Variants in IGSF5 observed in about 807,000 individuals in gnomAD.
IGSF5 encodes the protein immunoglobulin superfamily 5 like.
A neutral mutation model predicts 39.4 loss-of-function variants in IGSF5; 41 were observed. That is an observed-to-expected ratio of 1.04 (90% CI 0.81 to 1.35). The LOEUF (loss-of-function observed/expected upper bound fraction) is 1.35. IGSF5 is among the 40% of genes most tolerant of loss of function. The pLI, the probability that IGSF5 is intolerant of heterozygous loss-of-function variation, is 0.00. For missense variants in IGSF5, 487 were observed against 494.6 expected, an observed-to-expected ratio of 0.98 and a Z score of 0.15; for synonymous variants, 183 against 175.3, an observed-to-expected ratio of 1.04 and a Z score of -0.34.
At chr21:39,723,590 G>A in the IGSF5 span, among the ~76,000 whole-genome samples, 2 of 152,192 alleles carry the variant, frequency 1.3e-5, no homozygotes, top group African/African-American at 2.4e-5. Flanking sequence ...ATTCAGAGAG[G>A]TCACAGAGTG....
intron 2 of IGSF5, among the ~76,000 whole-genome samples, chr21:39,757,040 A>G (rs949563259): frequency 1.5e-4 from 10 of 67,256 alleles, no homozygotes; most frequent in Admixed American, 1.1e-3. Flanking sequence ...CAGCAGGCAC[A>G]GTCCCCCCGA....
intron 4 of IGSF5, 103 bp downstream of exon 4, chr21:39,771,318 C>A (rs1049134679): frequency 3.5e-6 from 4 of 1,141,380 alleles, no homozygotes; most frequent in East Asian, 5.3e-5. Flanking sequence ...AATCATATGG[C>A]GACCTTGATT....
At chr21:39,738,855 T>C in the IGSF5 span, among the ~76,000 whole-genome samples, 1 of 152,018 alleles carries the variant, frequency 6.6e-6, no homozygotes, top group Admixed American at 6.6e-5. The surrounding 1 kb of genome is among the most constrained non-coding windows in gnomAD (Gnocchi z 6.4). Flanking sequence ...GGGAAATTTA[T>C]GCCCTCCTCT....
At chr21:39,784,106 T>A (rs1484600952) in intron 5 of IGSF5, among the ~76,000 whole-genome samples, 1 of 152,236 alleles carries the variant, frequency 6.6e-6, no homozygotes, top group Admixed American at 6.5e-5. Context: ...ACCTTTATTC[T>A]CTGGGAAGCA....
chr21:39,779,305 G>C lies in IGSF5; in HGVS notation c.934G>C (p.Gly312Arg), dbSNP rs2080158019. The part of the protein sequence containing the change: ...RCCFCCRRKR[G>R]FRIQFQKKSE... ...TTGTTTCTGCTGTAGAAGAAAAAGA[G>C]GTAATTTTTTTGTTCATTTACATTT... The change falls in exon 5 of 9, where the codon GGA (glycine) becomes CGA (arginine). Residue 312 changes from glycine (G) to arginine (R), a missense_variant and splice_region_variant. Physicochemically the swap from Gly to Arg is moderately radical, Grantham distance 125. Coordinates refer to ENST00000380588, the MANE Select transcript of IGSF5 (RefSeq NM_001080444.2). 1 of 1,610,856 alleles carries C rather than the reference G, an allele frequency of 6.2e-7. No homozygotes were observed. The highest frequency in any genetic ancestry group is 1.3e-5 in the African/African-American group (1 of 74,830).
intron 2 of IGSF5, among the ~76,000 whole-genome samples, chr21:39,763,363 G>C (rs778617010): frequency 6.6e-6 from 1 of 152,198 alleles, no homozygotes; most frequent in Non-Finnish European, 1.5e-5. Flanking sequence ...GGGAAAGTTG[G>C]TGTTTAGGGT....
At chr21:39,755,777 A>G (rs992040416) in intron 2 of IGSF5, among the ~76,000 whole-genome samples, 23 of 151,994 alleles carry the variant, frequency 1.5e-4, no homozygotes, top group African/African-American at 5.3e-4. Flanking sequence ...CCCACAGTGA[A>G]ATGGTGCTGC....
chr21:39,732,897 G>A, the IGSF5 span, among the ~76,000 whole-genome samples: 14 of 152,048 alleles, frequency 9.2e-5, no homozygotes, highest in South Asian at 4.2e-4. Flanking sequence ...GTGGTGGCAC[G>A]TGCCTGTAGT....
intron 5 of IGSF5, among the ~76,000 whole-genome samples, chr21:39,782,669 T>C (rs8128761): frequency 0.34 from 52,023 of 152,118 alleles, 9,736 homozygotes; most frequent in Non-Finnish European, 0.44. Context: ...TGTATAATGA[T>C]CAAATCAGGG....
rs1471137396 is a variant in IGSF5 at position 39,745,237 on chromosome 21, G to T, written c.-273G>T. ...CAAACTTGGGGCCCTGGCAAGGGTG[G>T]TGGGGAATGGGTCCTGCATAACTGC... On this transcript the variant is annotated 5_prime_UTR_variant, in exon 1 of 9. Coordinates refer to ENST00000380588, the MANE Select transcript of IGSF5 (RefSeq NM_001080444.2). Among the ~76,000 whole-genome samples the T allele has an allele frequency of 6.6e-6, 1 of 151,870 alleles. No homozygotes were observed. Among genetic ancestry groups the T allele is most frequent in the Non-Finnish European group, 1.5e-5 (1 of 67,976 alleles).
At chr21:39,774,774 G>A (rs16998444) in intron 4 of IGSF5, among the ~76,000 whole-genome samples, 13,150 of 152,252 alleles carry the variant, frequency 0.086, 622 homozygotes, top group East Asian at 0.16. Flanking sequence ...AGCACCTTGT[G>A]GAATGTAGTG....
At position 39,779,227 on chromosome 21, in the gene IGSF5, C is replaced by CGCTGCT. The variant is rs530090000; in HGVS notation, c.865_870dup (p.Cys289_Cys290dup). ...GACGCCGACGTGTACTCTTACAATA[C>CGCTGCT]GCTGCTGCTGCTGCCGCCGTCGTTG... is the stretch of plus-strand genomic sequence containing the variant. On this transcript the variant is annotated inframe_insertion, in exon 5 of 9. Transcript: ENST00000380588. 5,741 of 1,613,780 alleles carry CGCTGCT rather than the reference C, an allele frequency of 3.6e-3. 12 individuals are homozygous for CGCTGCT. The highest frequency in any genetic ancestry group is 4.4e-3 in the Admixed American group (267 of 60,010).
chr21:39,741,339 C>T (rs1225168393), upstream of IGSF5, among the ~76,000 whole-genome samples: 1 of 152,112 alleles, frequency 6.6e-6, no homozygotes, highest in African/African-American at 2.4e-5. Context: ...GCCAAGGAAC[C>T]CTCTTAGTTG....
chr21:39,796,290 A>G (rs1489672193), intron 8 of IGSF5, among the ~76,000 whole-genome samples: 1 of 152,168 alleles, frequency 6.6e-6, no homozygotes, highest in Non-Finnish European at 1.5e-5. Flanking sequence ...TGACGCTGGT[A>G]CAGAGGTTCC....
intron 1 of IGSF5, 80 bp downstream of exon 1, chr21:39,745,606 T>G: frequency 1.4e-6 from 1 of 702,346 alleles, no homozygotes; most frequent in South Asian, 1.5e-5. Flanking sequence ...GCTGGGAGGT[T>G]GGGACGACAG....
At chr21:39,795,638 GT>G (rs925854884) in intron 8 of IGSF5, among the ~76,000 whole-genome samples, 3 of 151,772 alleles carry the variant, frequency 2.0e-5, no homozygotes, top group African/African-American at 7.3e-5. Context: ...GCTTCTTGAT[GT>G]TTGTAGTGTT....
intron 4 of IGSF5, among the ~76,000 whole-genome samples, chr21:39,773,069 T>C (rs752063697): frequency 3.9e-5 from 6 of 152,180 alleles, no homozygotes; most frequent in Non-Finnish European, 7.4e-5. Context: ...AATTATTTTA[T>C]GACCTATGTA....
chr21:39,771,077 A>G lies in IGSF5; in HGVS notation c.580A>G (p.Ser194Gly). 1 of 1,613,810 alleles carries G rather than the reference A, an allele frequency of 6.2e-7. No homozygotes were observed. Among genetic ancestry groups the G allele is most frequent in the Non-Finnish European group, 8.5e-7 (1 of 1,179,874 alleles). Residue 194 changes from serine (S) to glycine (G), a missense_variant, in exon 4 of 9, where the codon AGC becomes GGC. Ser to Gly is a moderately conservative substitution (Grantham distance 56). Transcript: ENST00000380588. ...AAGCTATTATTTTGTTCCGGAGCCC[A>G]GCGACCTTCAAAGTGCAGTGAGCAT... ...HSSYYFVPEP[S>G]DLQSAVSILA...
At chr21:39,753,848 C>T (rs756120303) in intron 2 of IGSF5, among the ~76,000 whole-genome samples, 3 of 151,904 alleles carry the variant, frequency 2.0e-5, no homozygotes, top group Non-Finnish European at 4.4e-5. Flanking sequence ...TTTCTCCAAC[C>T]TTTCACCTTG....
Sources: gnomAD v4.1 joint callset for allele counts (sites outside exome capture counted in the v4.1 genomes callset) on GRCh38, gnomAD v4.1.1 for gene constraint, Gnocchi (gnomAD v3.1) non-coding constraint, MANE v1.5 for transcripts, NCBI Gene and HGNC (gene_info 2026-07-23, HGNC 2026-07-21) for gene names.